The following CHRNA4 variants were observed in gnomAD, a reference collection of about 807,000 sequenced individuals.
CHRNA4 encodes cholinergic receptor nicotinic alpha 4 subunit.
CHRNA4 carries 28 observed loss-of-function variants against 48.9 expected under a neutral mutation model. The ratio of observed to expected loss-of-function variants is 0.57; its 90% CI spans 0.42 to 0.79. The LOEUF is 0.79. CHRNA4 is among the 30% of genes least tolerant of loss of function. The pLI, the probability that CHRNA4 is intolerant of heterozygous loss-of-function variation, is 0.00. For missense variants in CHRNA4, 859 were observed against 898.4 expected (o/e 0.96, Z 0.56); for synonymous variants, 425 against 402.3 (o/e 1.06, Z -0.68).
chr20:63,349,389 G>A (rs2068545614), intron 5 of CHRNA4: 3 of 582,890 alleles, frequency 5.1e-6, no homozygotes, highest in Non-Finnish European at 9.2e-6. Context: ...CGTCCGCCGA[G>A]GCCCACTGTG....
At position 63,349,939 on chromosome 20, in the gene CHRNA4, T is replaced by C. The variant is rs1214796196; in HGVS notation, c.1472A>G (p.Tyr491Cys). The change falls in exon 5 of 6, where the codon TAC becomes TGC. Residue 491 changes from tyrosine (Y) to cysteine (C), a missense_variant. This residue lies in a region of CHRNA4 where 478 missense variants were observed against 455.4 expected (regional missense o/e 1.05). Coordinates refer to ENST00000370263, the MANE Select transcript of CHRNA4 (RefSeq NM_000744.7). ...GVRCRSRSIQYCVPRDDAAPE... is the reference protein window; with the variant it reads ...GVRCRSRSIQCCVPRDDAAPE... ...GGCGGCATCGTCTCGGGGAACACAG[T>C]ACTGGATGCTCCGAGACCGGCACCG... 2 of 1,586,854 alleles carry C rather than the reference T, an allele frequency of 1.3e-6. No individual in the cohort carries two copies.
chr20:63,355,406 G>C (rs2068701318), intron 4 of CHRNA4: 1 of 809,512 alleles, frequency 1.2e-6, no homozygotes, highest in South Asian at 1.4e-5. Context: ...TGTTTGCTGG[G>C]GACCTGGCGT....
Position 63,345,009 on chromosome 20 carries a change from CG to C in CHRNA4, c.*1728del. 1 of 442,258 alleles carries C rather than the reference CG, an allele frequency of 2.3e-6. No individual in the cohort carries two copies. Among genetic ancestry groups the C allele is most frequent in the Non-Finnish European group, 4.6e-6 (1 of 217,664 alleles). 27.4% of individuals were successfully genotyped at this position (442,258 alleles called of 1,614,324 possible). ...CCTCAGGACCCCGGTCACAGGCACC[CG>C]GGGGTGGGGGTGACCAGCAGCAGTT... On this transcript the variant is annotated 3_prime_UTR_variant, in exon 6 of 6. Transcript: ENST00000370263. This position sits in a 1 kb window ranked among gnomAD's most constrained non-coding sequence, Gnocchi z 5.4.
At chr20:63,348,648 G>A (rs568334064) in intron 5 of CHRNA4, among the ~76,000 whole-genome samples, 6 of 152,332 alleles carry the variant, frequency 3.9e-5, no homozygotes, top group Non-Finnish European at 5.9e-5. Flanking sequence ...AGGAGGTGCC[G>A]GCGACAGCAG....
In CHRNA4 at chr20:63,361,263, G is replaced by C. The variant is rs1185380128; in HGVS notation, c.-98C>G. ...CAACTTCATGCCTCCCGCGCCTCGCGGGCCGCTTCGGCCGCCGGGCCCGGT... is the reference window on the plus strand; with the variant it reads ...CAACTTCATGCCTCCCGCGCCTCGCCGGCCGCTTCGGCCGCCGGGCCCGGT... On this transcript the variant is annotated 5_prime_UTR_variant, in exon 1 of 6. Coordinates refer to ENST00000370263, the MANE Select transcript of CHRNA4 (RefSeq NM_000744.7). 1.4e-6 allele frequency: 2 copies of C among 1,390,006 alleles called. No individual in the cohort carries two copies. Among genetic ancestry groups the C allele is most frequent in the South Asian group, 1.5e-5 (1 of 66,048 alleles). The allele number at this position is 1,390,006 out of a possible 1,614,324, so 86.1% of individuals were successfully genotyped here. A position where few individuals can be genotyped will look rare whatever the true frequency, so the allele number is the denominator to read the frequency against.
intron 4 of CHRNA4, chr20:63,355,728 T>C (rs2068706762): frequency 1.2e-6 from 1 of 812,996 alleles, no homozygotes; most frequent in Admixed American, 2.2e-5. Context: ...GCTCCAGTGC[T>C]GAGACCCAGG....
intron 4 of CHRNA4, among the ~76,000 whole-genome samples, chr20:63,352,498 CGGCTCCGGCCCAGCACAGCCTG>C (rs1568813425): frequency 6.6e-6 from 1 of 152,178 alleles, no homozygotes; most frequent in African/African-American, 2.4e-5. Context: ...CATCTCAATG[CGGCTCCGGCCCAGCACAGCCTG>C]GCTCCCGAGC....
chr20:63,359,782 G>A (rs1601495688), intron 1 of CHRNA4, 83 bp from the exon 2 acceptor site: 2 of 1,512,658 alleles, frequency 1.3e-6, no homozygotes, highest in East Asian at 2.5e-5. Context: ...GGCTGCCCCA[G>A]CCCCCTGCCC....
intron 2 of CHRNA4, 75 bp from the exon 3 acceptor site, chr20:63,356,490 G>A (rs2068721104): frequency 1.4e-6 from 2 of 1,434,106 alleles, no homozygotes; most frequent in Non-Finnish European, 1.9e-6. Context: ...CTCATCTACA[G>A]CCACTGGCAC....
At position 63,346,712 on chromosome 20, in the gene CHRNA4, A is replaced by G. The variant is rs199512358; in HGVS notation, c.*26T>C. 2.8e-5 allele frequency: 45 copies of G among 1,595,782 alleles called. No individual in the cohort carries two copies. The highest frequency in any genetic ancestry group is 4.5e-5 in the East Asian group (2 of 44,384). On this transcript the variant is annotated 3_prime_UTR_variant, in exon 6 of 6. Transcript: ENST00000370263. Reference sequence around the variant, plus strand: ...TGCTGGCCCCGTGCACGGCAGCCCCAGGCCACGCAGGCTCCCGGTCCCTTC... The same window carrying G: ...TGCTGGCCCCGTGCACGGCAGCCCCGGGCCACGCAGGCTCCCGGTCCCTTC...
chr20:63,358,790 A>G (rs1568818820), intron 2 of CHRNA4, among the ~76,000 whole-genome samples: 1 of 152,168 alleles, frequency 6.6e-6, no homozygotes, highest in Non-Finnish European at 1.5e-5. Flanking sequence ...GAAACGTGGA[A>G]ATGTCTCTGC....
chr20:63,346,611 G>T lies in CHRNA4; in HGVS notation c.*127C>A. On this transcript the variant is annotated 3_prime_UTR_variant, in exon 6 of 6. Transcript: ENST00000370263. ...CCGTCTTACAGCAGACACAGAACAG[G>T]AAGGAAAATTTGGCAAACGTGTGGC... 7.4e-7 allele frequency: 1 copy of T among 1,359,608 alleles called. No homozygotes were observed. The highest frequency in any genetic ancestry group is 1.0e-6 in the Non-Finnish European group (1 of 988,578). The allele number at this position is 1,359,608 out of a possible 1,614,324, so 84.2% of individuals were successfully genotyped here. A position where few individuals can be genotyped will look rare whatever the true frequency, so the allele number is the denominator to read the frequency against.
chr20:63,350,502 G>C lies in CHRNA4; in HGVS notation c.909C>G (p.Ile303Met), dbSNP rs1218130740. 5.6e-6 allele frequency: 9 copies of C among 1,613,868 alleles called. No individual in the cohort carries two copies. The highest frequency in any genetic ancestry group is 7.6e-6 in the Non-Finnish European group (9 of 1,180,018). The change falls in exon 5 of 6, where the codon ATC becomes ATG. Residue 303 changes from isoleucine to methionine, a missense_variant. Ile to Met is a conservative substitution (Grantham distance 10). This residue lies in a region of CHRNA4 where 39 missense variants were observed against 77.7 expected (regional missense o/e 0.50). Transcript: ENST00000370263. Reference sequence around the variant, plus strand: ...ACAGCAGGTACTCGCCGATGAGTGGGATGACCAGTGAGGTGGACGGGATGA... The same window carrying C: ...ACAGCAGGTACTCGCCGATGAGTGGCATGACCAGTGAGGTGGACGGGATGA... ...TEIIPSTSLV[I>M]PLIGEYLLFT... is the part of the protein sequence containing the mutation.
intron 5 of CHRNA4, chr20:63,349,434 G>C: frequency 1.6e-6 from 1 of 618,286 alleles, no homozygotes; most frequent in East Asian, 2.8e-5. Flanking sequence ...GATCCACCCT[G>C]TGCCAGCCAC....
intron 4 of CHRNA4, among the ~76,000 whole-genome samples, chr20:63,353,638 AG>A (rs1402397400): frequency 4.7e-5 from 1 of 21,326 alleles, no homozygotes; most frequent in Admixed American, 6.7e-4. Context: ...GTGGTCCTGG[AG>A]GGGCTGTAGT....
At position 63,359,677 on chromosome 20, in the gene CHRNA4, C is replaced by T. The variant is rs539718301; in HGVS notation, c.99G>A (p.Arg33=). The T allele has an allele frequency of 6.2e-7, 1 of 1,611,460 alleles. No individual in the cohort carries two copies. Among genetic ancestry groups the T allele is most frequent in the Non-Finnish European group, 8.5e-7 (1 of 1,179,890 alleles). ...TCAGGAGCCGCTCCTCGGCGTGGGC[C>T]CGGGTCTCCACATGGCTGCTGGCTG... ...LLRASSHVET[R]AHAEERLLKK... is the part of the protein sequence containing the mutation. The change falls in exon 2 of 6, where the codon CGG becomes CGA. Residue 33 remains arginine, a synonymous_variant. Coordinates refer to ENST00000370263, the MANE Select transcript of CHRNA4 (RefSeq NM_000744.7).
Position 63,360,002 on chromosome 20 carries a change from C to G in CHRNA4, c.77-303G>C, listed in dbSNP as rs45568238. 55,248 of 393,566 alleles carry G rather than the reference C, an allele frequency of 0.14. 4,755 individuals are homozygous for G. The highest frequency in any genetic ancestry group is 0.18 in the Non-Finnish European group (36,293 of 206,914). The allele number at this position is 393,566 out of a possible 1,614,324, so 24.4% of individuals were successfully genotyped here. On this transcript the variant is annotated intron_variant, in intron 1 of 5. Transcript: ENST00000370263. ...CCCCTGGGTGTAATTGTGATTTCCTCGGGGAAGCTTCCCAGGCCCCTCAGC... is the reference window on the plus strand; with the variant it reads ...CCCCTGGGTGTAATTGTGATTTCCTGGGGGAAGCTTCCCAGGCCCCTCAGC...
rs532037549 is a variant in CHRNA4 at position 63,357,060 on chromosome 20, C to T, written c.229-645G>A. Among the ~76,000 whole-genome samples the T allele has an allele frequency of 5.0e-3, 651 of 130,454 alleles. 6 individuals carry two copies. The highest frequency in any genetic ancestry group is 0.019 in the African/African-American group (617 of 33,316). 85.6% of individuals were successfully genotyped at this position (130,454 alleles called of 152,430 possible). On this transcript the variant is annotated intron_variant, in intron 2 of 5. Coordinates refer to ENST00000370263, the MANE Select transcript of CHRNA4 (RefSeq NM_000744.7). ...CACAGGACCACAACCCACAGGACCA[C>T]ATCTCCACGGACCACGTCCCCACAG...
At chr20:63,352,475 G>A (rs1042450337) in intron 4 of CHRNA4, among the ~76,000 whole-genome samples, 2 of 152,172 alleles carry the variant, frequency 1.3e-5, no homozygotes, top group Admixed American at 6.5e-5. Flanking sequence ...GACCCAGCAA[G>A]AGCCACCAGC....
Sources: gnomAD v4.1 joint callset for allele counts (sites outside exome capture counted in the v4.1 genomes callset) on GRCh38, gnomAD v4.1.1 for gene constraint, gnomAD v4.1.1 regional missense constraint, Gnocchi (gnomAD v3.1) non-coding constraint, MANE v1.5 for transcripts, NCBI Gene and HGNC (gene_info 2026-07-23, HGNC 2026-07-21) for gene names.